SP4: variants seen among roughly 807,000 people sequenced by gnomAD.
SP4 encodes Sp4 transcription factor.
SP4 carries 19 observed loss-of-function variants against 72.8 expected under a neutral mutation model. That is an observed-to-expected ratio of 0.26 (90% CI 0.18 to 0.38). The LOEUF is 0.38. Ranked by LOEUF, SP4 falls within the 10% of genes least tolerant of loss-of-function variation. The pLI is 1.00. For missense variants in SP4, 1,008 were observed against 926.3 expected (o/e 1.09, Z -1.14); for synonymous variants, 395 against 333.1 (o/e 1.19, Z -2.02).
chr7:21,507,376 A>G (rs555504500), intron 5 of SP4, among the ~76,000 whole-genome samples: 1 of 152,284 alleles, frequency 6.6e-6, no homozygotes, highest in South Asian at 2.1e-4. Context: ...TTAGAGGAGC[A>G]GTTGGTTTGG....
intron 3 of SP4, among the ~76,000 whole-genome samples, chr7:21,431,748 A>C (rs911531084): frequency 1.3e-5 from 2 of 152,128 alleles, no homozygotes; most frequent in African/African-American, 4.8e-5. Context: ...CTTTTCATTG[A>C]TTCTGATTTG....
intron 3 of SP4, chr7:21,471,142 G>T (rs1025832366): frequency 5.6e-6 from 3 of 534,494 alleles, no homozygotes; most frequent in Non-Finnish European, 1.2e-5. Context: ...TGGAGCAGGA[G>T]TGCCAAGAGA....
intron 5 of SP4, among the ~76,000 whole-genome samples, chr7:21,510,573 C>T (rs183130315): frequency 1.3e-5 from 2 of 152,252 alleles, no homozygotes; most frequent in East Asian, 1.9e-4. Flanking sequence ...AAATTATTAA[C>T]TTAGTTTATT....
At chr7:21,455,361 A>T (rs1783729059) in intron 3 of SP4, among the ~76,000 whole-genome samples, 1 of 152,150 alleles carries the variant, frequency 6.6e-6, no homozygotes, top group Non-Finnish European at 1.5e-5. Context: ...TTTTGTTTTA[A>T]GGTTTGAAGG....
chr7:21,478,914 C>G (rs115152054), intron 4 of SP4, among the ~76,000 whole-genome samples: 10,724 of 151,768 alleles, frequency 0.071, 902 homozygotes, highest in East Asian at 0.28. Context: ...ACTGAAAATA[C>G]AAAATTAGCC....
At chr7:21,459,602 G>A (rs1275855926) in intron 3 of SP4, among the ~76,000 whole-genome samples, 16 of 152,148 alleles carry the variant, frequency 1.1e-4, no homozygotes, top group Non-Finnish European at 1.9e-4. Flanking sequence ...CCCAAGAATC[G>A]TTTGATGATC....
At chr7:21,488,310 G>T (rs1421635122) in intron 5 of SP4, among the ~76,000 whole-genome samples, 4 of 151,958 alleles carry the variant, frequency 2.6e-5, no homozygotes, top group Admixed American at 1.3e-4. Flanking sequence ...CCAATTTTTT[G>T]ATAGTAGTTA....
intron 5 of SP4, among the ~76,000 whole-genome samples, chr7:21,505,282 A>T (rs913820188): frequency 6.6e-6 from 1 of 152,098 alleles, no homozygotes; most frequent in Admixed American, 6.5e-5. Context: ...TGTCCTAAAT[A>T]TTTAACTTCT....
intron 5 of SP4, among the ~76,000 whole-genome samples, chr7:21,509,927 A>G (rs1047265831): frequency 6.6e-6 from 1 of 152,228 alleles, no homozygotes; most frequent in Non-Finnish European, 1.5e-5. Flanking sequence ...AGGCCTCACA[A>G]TCATGGTGGA....
rs144157508 is a variant in SP4 at position 21,467,685 on chromosome 7, C to A, written c.1679-9394C>A. On this transcript the variant is annotated intron_variant, in intron 3 of 5. Coordinates refer to ENST00000222584, the MANE Select transcript of SP4 (RefSeq NM_003112.5). Reference sequence around the variant, plus strand: ...TTAGGAGACATATTTTTTGAGAGGACCTTAGACATTTTCTTAGGCAGATTC... The same window carrying A: ...TTAGGAGACATATTTTTTGAGAGGAACTTAGACATTTTCTTAGGCAGATTC... Among the ~76,000 whole-genome samples, 1,079 of 152,164 alleles carry A rather than the reference C, an allele frequency of 7.1e-3. 3 individuals carry two copies. The highest frequency in any genetic ancestry group is 0.012 in the Non-Finnish European group (793 of 67,966).
At chr7:21,504,392 G>A (rs1347705235) in intron 5 of SP4, among the ~76,000 whole-genome samples, 4 of 152,114 alleles carry the variant, frequency 2.6e-5, no homozygotes, top group Non-Finnish European at 4.4e-5. Context: ...CTTTATGGCC[G>A]GGTTAAGACC....
Position 21,429,901 on chromosome 7 carries a change from C to T in SP4, c.736C>T (p.Leu246Phe). The T allele has an allele frequency of 6.2e-7, 1 of 1,614,140 alleles. No homozygotes were observed. The highest frequency in any genetic ancestry group is 8.5e-7 in the Non-Finnish European group (1 of 1,179,982). ...GVSIPLQLQT[L>F]PGTQAQVVTT... ...TTCAATACCACTGCAGTTACAGACT[C>T]TTCCTGGTACTCAGGCTCAAGTTGT... Residue 246 changes from leucine (L) to phenylalanine (F), a missense_variant, in exon 3 of 6, where the codon CTT becomes TTT. By Grantham distance (22) the Leu-to-Phe change is conservative. Coordinates refer to ENST00000222584, the MANE Select transcript of SP4 (RefSeq NM_003112.5).
chr7:21,437,926 T>A (rs1783101398), intron 3 of SP4, among the ~76,000 whole-genome samples: 1 of 151,632 alleles, frequency 6.6e-6, no homozygotes, highest in Admixed American at 6.6e-5. Flanking sequence ...CATTTCGTAC[T>A]AGCAATAATC....
At chr7:21,507,459 G>A (rs766254247) in intron 5 of SP4, among the ~76,000 whole-genome samples, 4 of 152,170 alleles carry the variant, frequency 2.6e-5, no homozygotes, top group Non-Finnish European at 5.9e-5. Context: ...CCCCTATTTT[G>A]TGAGATGTAT....
chr7:21,511,174 G>C lies in SP4; in HGVS notation c.2260G>C (p.Val754Leu), dbSNP rs1318283070. The C allele has an allele frequency of 6.2e-7, 1 of 1,614,146 alleles. No homozygotes were observed. The highest frequency in any genetic ancestry group is 8.5e-7 in the Non-Finnish European group (1 of 1,180,006). ...SGELDSSVTE[V>L]LGSPRIVTVA... ...AGAACTGGACTCATCTGTTACAGAG[G>C]TGCTTGGCTCCCCAAGAATTGTCAC... Residue 754 changes from valine (V) to leucine (L), a missense_variant, in exon 6 of 6, where the codon GTG (valine) becomes CTG (leucine). Transcript: ENST00000222584.
chr7:21,490,164 A>G (rs1026591354), intron 5 of SP4, among the ~76,000 whole-genome samples: 1 of 152,238 alleles, frequency 6.6e-6, no homozygotes, highest in Non-Finnish European at 1.5e-5. Flanking sequence ...TTGAGAAATG[A>G]AGTGAAAACT....
At chr7:21,452,705 C>T (rs1219087553) in intron 3 of SP4, among the ~76,000 whole-genome samples, 1 of 151,950 alleles carries the variant, frequency 6.6e-6, no homozygotes, top group Non-Finnish European at 1.5e-5. Context: ...AGAATACTCA[C>T]AAGTAGTTTC....
intron 3 of SP4, among the ~76,000 whole-genome samples, chr7:21,444,087 T>C (rs1425249413): frequency 2.6e-5 from 4 of 152,210 alleles, no homozygotes; most frequent in Non-Finnish European, 5.9e-5. Flanking sequence ...GGTTTTAATA[T>C]CCCCTTGTTA....
chr7:21,459,717 C>T (rs529651524), intron 3 of SP4, among the ~76,000 whole-genome samples: 18 of 152,262 alleles, frequency 1.2e-4, no homozygotes, highest in Non-Finnish European at 1.6e-4. Flanking sequence ...TGCTTTTTAC[C>T]GTTATTTCCT....
Sources: gnomAD v4.1 joint callset for allele counts (sites outside exome capture counted in the v4.1 genomes callset) on GRCh38, gnomAD v4.1.1 for gene constraint, MANE v1.5 for transcripts, NCBI Gene and HGNC (gene_info 2026-07-23, HGNC 2026-07-21) for gene names.